The following BIRC6 variants were observed in gnomAD, a reference collection of about 807,000 sequenced individuals.
The protein encoded by BIRC6 is baculoviral IAP repeat containing 6.
A neutral mutation model predicts 503.3 loss-of-function variants in BIRC6; 98 were observed. The observed-to-expected ratio is 0.19, with a 90% confidence interval of 0.17 to 0.23. The LOEUF is 0.23. Among genes scored for constraint, BIRC6 ranks in the 10% least tolerant of loss-of-function variants. The pLI is 1.00. For missense variants in BIRC6, 5,360 were observed against 5,806.0 expected (o/e 0.92, Z 2.50); for synonymous variants, 2,240 against 2,078.7 (o/e 1.08, Z -2.11).
chr2:32,360,496 C>G (rs187681656), intron 1 of BIRC6, among the ~76,000 whole-genome samples: 1 of 152,088 alleles, frequency 6.6e-6, no homozygotes, highest in Non-Finnish European at 1.5e-5. Context: ...GTCTTGTCTC[C>G]TTATTTATAA....
At chr2:32,409,733 T>G (rs1444017733) in intron 9 of BIRC6, among the ~76,000 whole-genome samples, 1 of 152,232 alleles carries the variant, frequency 6.6e-6, no homozygotes, top group African/African-American at 2.4e-5. Flanking sequence ...TGGTTAACAC[T>G]ACCCAAATAA....
intron 64 of BIRC6, chr2:32,549,080 G>A (rs2058258316): frequency 3.2e-6 from 1 of 316,812 alleles, no homozygotes; most frequent in African/African-American, 2.1e-5. Flanking sequence ...TAGTTGTATT[G>A]CTTTTATATG....
chr2:32,590,353 C>T (rs556365986), intron 66 of BIRC6, among the ~76,000 whole-genome samples: 1 of 152,164 alleles, frequency 6.6e-6, no homozygotes, highest in East Asian at 1.9e-4. Context: ...ATGTAGTCTC[C>T]AGATAACTTC....
At position 32,617,779 on chromosome 2, in the gene BIRC6, T is replaced by G; in HGVS notation, c.14449T>G (p.Leu4817Val). The G allele has an allele frequency of 6.2e-7, 1 of 1,614,024 alleles. No homozygotes were observed. The highest frequency in any genetic ancestry group is 8.5e-7 in the Non-Finnish European group (1 of 1,179,886). The change falls in exon 74 of 74, where the codon TTG becomes GTG. Residue 4817 changes from leucine to valine, a missense_variant. By Grantham distance (32) the Leu-to-Val change is conservative. This residue lies in a region of BIRC6 where 140 missense variants were observed against 130.2 expected (regional missense o/e 1.07). Coordinates refer to ENST00000421745, the MANE Select transcript of BIRC6 (RefSeq NM_016252.4). ...ELLKLPCPEG[L>V]DPDTDDAPEV... Reference sequence around the variant, plus strand: ...GCTGAAACTTCCCTGCCCTGAAGGCTTGGATCCTGACACTGACGATGCCCC... The same window carrying G: ...GCTGAAACTTCCCTGCCCTGAAGGCGTGGATCCTGACACTGACGATGCCCC...
At chr2:32,552,428 A>G (rs974880863) in intron 65 of BIRC6, among the ~76,000 whole-genome samples, 1 of 152,224 alleles carries the variant, frequency 6.6e-6, no homozygotes, top group Non-Finnish European at 1.5e-5. Context: ...GCTGACCATA[A>G]GGATCAACAA....
chr2:32,400,419 G>A (rs1573946741), intron 6 of BIRC6, among the ~76,000 whole-genome samples: 2 of 146,842 alleles, frequency 1.4e-5, no homozygotes, highest in African/African-American at 5.1e-5. Flanking sequence ...GCTCACTGCA[G>A]CCTCCGCCTC....
At chr2:32,539,903 A>G (rs1452997452) in intron 61 of BIRC6, among the ~76,000 whole-genome samples, 1 of 152,106 alleles carries the variant, frequency 6.6e-6, no homozygotes, top group African/African-American at 2.4e-5. Context: ...TAAACTATGA[A>G]AAATTTTCAA....
intron 66 of BIRC6, among the ~76,000 whole-genome samples, chr2:32,589,277 G>C (rs1559114834): frequency 1.3e-5 from 2 of 152,082 alleles, no homozygotes; most frequent in Non-Finnish European, 2.9e-5. Context: ...TTTTATTGCC[G>C]TTTTTCCTAG....
At position 32,473,156 on chromosome 2, in the gene BIRC6, T is replaced by G; in HGVS notation, c.6637T>G (p.Leu2213Val). The G allele has an allele frequency of 6.3e-7, 1 of 1,580,966 alleles. No individual in the cohort carries two copies. The highest frequency in any genetic ancestry group is 1.2e-5 in the South Asian group (1 of 86,246). ...FINNNLHTQS[L>V]NRSSKGSSSL... ...TAACAATAATCTACACACTCAGAGCTTAAATAGATCTTCTAAAGGCAGCAG... is the reference window on the plus strand; with the variant it reads ...TAACAATAATCTACACACTCAGAGCGTAAATAGATCTTCTAAAGGCAGCAG... The change falls in exon 33 of 74, where the codon TTA (leucine) becomes GTA (valine). Residue 2213 changes from leucine to valine, a missense_variant. Leu to Val is a conservative substitution (Grantham distance 32). Coordinates refer to ENST00000421745, the MANE Select transcript of BIRC6 (RefSeq NM_016252.4).
intron 66 of BIRC6, among the ~76,000 whole-genome samples, chr2:32,581,400 T>C (rs2060664055): frequency 6.6e-6 from 1 of 152,230 alleles, no homozygotes; most frequent in African/African-American, 2.4e-5. Flanking sequence ...AATTCTTTGT[T>C]AGAATGCAGA....
rs2044380980 is a variant in BIRC6, at chr2:32,433,715, A to G, written c.3320A>G (p.Lys1107Arg). ...KACMVGHVDF[K>R]FVLNSNITNI... ...TGTATGGTTGGACATGTGGACTTCA[A>G]ATTCGTTTTGAACTCAAACATCACC... is the stretch of plus-strand genomic sequence containing the variant. The change falls in exon 13 of 74, where the codon AAA becomes AGA. Residue 1107 changes from lysine to arginine, a missense_variant. Lys to Arg is a conservative substitution (Grantham distance 26). Coordinates refer to ENST00000421745, the MANE Select transcript of BIRC6 (RefSeq NM_016252.4). 2 of 1,606,572 alleles carry G rather than the reference A, an allele frequency of 1.2e-6. No individual in the cohort carries two copies. Among genetic ancestry groups the G allele is most frequent in the Admixed American group, 1.7e-5 (1 of 59,886 alleles).
intron 65 of BIRC6, among the ~76,000 whole-genome samples, chr2:32,551,979 A>T (rs1200769980): frequency 6.6e-6 from 1 of 152,190 alleles, no homozygotes; most frequent in East Asian, 1.9e-4. Flanking sequence ...CAGATGATAT[A>T]AAAAAACGCA....
Position 32,491,550 on chromosome 2 carries a change from A to G in BIRC6, c.8332A>G (p.Ser2778Gly). ...CAGTCCACATGGAACAAATCAACAC[A>G]GTCCACAGGTAATATGATGTTTAGC... ...GTSPHGTNQH[S>G]PQVGPTATQA... Residue 2778 changes from serine to glycine, a missense_variant, in exon 44 of 74, where the codon AGT becomes GGT. Physicochemically the swap from Ser to Gly is moderately conservative, Grantham distance 56. This residue lies in a region of BIRC6 where 2,299 missense variants were observed against 2,267.2 expected (regional missense o/e 1.01). Coordinates refer to ENST00000421745, the MANE Select transcript of BIRC6 (RefSeq NM_016252.4). The G allele has an allele frequency of 1.2e-6, 2 of 1,613,066 alleles. No individual in the cohort carries two copies. The highest frequency in any genetic ancestry group is 1.7e-6 in the Non-Finnish European group (2 of 1,179,456).
At chr2:32,360,827 G>A (rs773941162) in intron 1 of BIRC6, among the ~76,000 whole-genome samples, 25 of 152,080 alleles carry the variant, frequency 1.6e-4, no homozygotes, top group Admixed American at 5.2e-4. Flanking sequence ...CAAGCTCCTT[G>A]TGGGGAGGTA....
Position 32,380,258 on chromosome 2 carries a change from C to G in BIRC6, c.613C>G (p.His205Asp). ...QLKDGLKNTS[H>D]ETAANHKVAK... is the part of the protein sequence containing the mutation. Reference sequence around the variant, plus strand: ...CAAAGATGGTTTAAAAAATACATCTCATGAGACTGCAGCAAACCACAAAGT... The same window carrying G: ...CAAAGATGGTTTAAAAAATACATCTGATGAGACTGCAGCAAACCACAAAGT... Residue 205 changes from histidine to aspartate, a missense_variant, in exon 3 of 74, where the codon CAT becomes GAT. His to Asp is a moderately conservative substitution (Grantham distance 81). Coordinates refer to ENST00000421745, the MANE Select transcript of BIRC6 (RefSeq NM_016252.4). The G allele has an allele frequency of 1.2e-6, 2 of 1,607,728 alleles. No individual in the cohort carries two copies. The highest frequency in any genetic ancestry group is 1.7e-6 in the Non-Finnish European group (2 of 1,178,342).
chr2:32,532,333 A>T, intron 61 of BIRC6: 1 of 452,612 alleles, frequency 2.2e-6, no homozygotes, highest in Non-Finnish European at 4.5e-6. Flanking sequence ...CTCCCTCTGA[A>T]TTCAGGCTGT....
chr2:32,465,040 G>GT (rs2048376171), intron 25 of BIRC6, 25 bp from the exon 26 acceptor site: 3 of 1,378,718 alleles, frequency 2.2e-6, no homozygotes, highest in Admixed American at 2.1e-5. Flanking sequence ...TATAAAGTTA[G>GT]ATTTTTTTTT....
intron 36 of BIRC6, 102 bp from the exon 37 acceptor site, chr2:32,479,360 C>G: frequency 1.8e-6 from 2 of 1,106,544 alleles, no homozygotes; most frequent in Non-Finnish European, 2.6e-6. Context: ...GTTAGTAGAG[C>G]ATTTATTCTG....
intron 9 of BIRC6, 141 bp from the exon 10 acceptor site, chr2:32,414,628 C>T (rs984803294): frequency 1.7e-6 from 1 of 595,762 alleles, no homozygotes; most frequent in Admixed American, 4.0e-5. Context: ...AATTGCACCA[C>T]TGCACTCTAG....
Sources: gnomAD v4.1 joint callset for allele counts (sites outside exome capture counted in the v4.1 genomes callset) on GRCh38, gnomAD v4.1.1 for gene constraint, gnomAD v4.1.1 regional missense constraint, MANE v1.5 for transcripts, NCBI Gene and HGNC (gene_info 2026-07-23, HGNC 2026-07-21) for gene names.